The following TENM3 variants were observed in gnomAD, a reference collection of about 807,000 sequenced individuals.
TENM3 encodes teneurin-3.
TENM3 carries 63 observed loss-of-function variants against 255.1 expected under a neutral mutation model. The observed-to-expected ratio is 0.25, with a 90% CI of 0.20 to 0.30. The LOEUF (loss-of-function observed/expected upper bound fraction) is 0.30, where lower values mean the gene tolerates loss of function less well. Ranked by LOEUF, TENM3 falls within the 10% of genes least tolerant of loss-of-function variation. The probability of loss-of-function intolerance (pLI) is 1.00; values close to 1 mark genes in which losing one functional copy is unlikely to be tolerated. For missense variants in TENM3, 2,929 were observed against 3,461.1 expected (o/e 0.85, Z 3.86); for synonymous variants, 1,306 against 1,322.3 (o/e 0.99, Z 0.27).
intron 5 of TENM3, among the ~76,000 whole-genome samples, chr4:182,644,755 T>G (rs546029080): frequency 6.6e-6 from 1 of 152,290 alleles, no homozygotes; most frequent in Admixed American, 6.5e-5. Context: ...ATTTTTTAAT[T>G]ACATAAGAAA....
chr4:182,161,701 A>G (rs570706793), intron 1 of TENM3, among the ~76,000 whole-genome samples: 21 of 71,198 alleles, frequency 2.9e-4, no homozygotes, highest in African/African-American at 1.2e-3. Context: ...ATATATATGT[A>G]TATATATACA....
intron 3 of TENM3, among the ~76,000 whole-genome samples, chr4:182,444,186 G>A (rs951487717): frequency 3.9e-5 from 6 of 151,960 alleles, no homozygotes; most frequent in East Asian, 3.8e-4. Context: ...AATGATAATC[G>A]AACTTTACTG....
At chr4:182,201,343 A>G (rs979428505) in intron 1 of TENM3, among the ~76,000 whole-genome samples, 1 of 152,162 alleles carries the variant, frequency 6.6e-6, no homozygotes, top group Non-Finnish European at 1.5e-5. Context: ...CAATTCACTG[A>G]TAACAGTGGA....
the TENM3 span, among the ~76,000 whole-genome samples, chr4:182,104,263 G>A: frequency 6.6e-6 from 1 of 152,070 alleles, no homozygotes; most frequent in African/African-American, 2.4e-5. Context: ...GTGTGTCCCC[G>A]TGGAAACCAG....
At chr4:182,447,608 A>G (rs531151946) in intron 3 of TENM3, among the ~76,000 whole-genome samples, 8 of 152,218 alleles carry the variant, frequency 5.3e-5, no homozygotes, top group Non-Finnish European at 1.0e-4. Context: ...TGAAAAGAGA[A>G]CACTGATCCT....
intron 22 of TENM3, among the ~76,000 whole-genome samples, chr4:182,770,959 C>T (rs1764155368): frequency 1.3e-5 from 2 of 152,202 alleles, no homozygotes; most frequent in Non-Finnish European, 2.9e-5. Context: ...CAGGGCTAAA[C>T]TGTTAAGCTG....
chr4:181,536,943 T>A, the TENM3 span, among the ~76,000 whole-genome samples: 1 of 152,202 alleles, frequency 6.6e-6, no homozygotes, highest in African/African-American at 2.4e-5. Context: ...GATTGCCTCA[T>A]AAAACCTTAA....
At chr4:181,626,246 T>C in the TENM3 span, among the ~76,000 whole-genome samples, 7 of 151,914 alleles carry the variant, frequency 4.6e-5, no homozygotes, top group Non-Finnish European at 8.8e-5. Flanking sequence ...CAGCACAGCA[T>C]GATTAAAGAG....
intron 3 of TENM3, among the ~76,000 whole-genome samples, chr4:182,400,430 CAT>C (rs1468322227): frequency 6.6e-6 from 1 of 152,168 alleles, no homozygotes; most frequent in Non-Finnish European, 1.5e-5. Flanking sequence ...CATCTCATTA[CAT>C]GACATTTTTC....
chr4:181,811,346 ATC>A, the TENM3 span, among the ~76,000 whole-genome samples: 2 of 152,186 alleles, frequency 1.3e-5, no homozygotes, highest in African/African-American at 2.4e-5. Context: ...TCCATCATGT[ATC>A]TCTTCTCAAT....
intron 3 of TENM3, among the ~76,000 whole-genome samples, chr4:182,393,121 A>G (rs1768551742): frequency 1.3e-5 from 2 of 152,214 alleles, no homozygotes; most frequent in Admixed American, 1.3e-4. Context: ...AAAAATAACT[A>G]ACAGACAACG....
chr4:182,321,770 C>A (rs994627307), intron 1 of TENM3, among the ~76,000 whole-genome samples: 37 of 152,038 alleles, frequency 2.4e-4, no homozygotes, highest in African/African-American at 8.4e-4. Context: ...ATGGTGAAAC[C>A]CCATCTGTAT....
At chr4:181,457,781 C>T in the TENM3 span, among the ~76,000 whole-genome samples, 25 of 151,810 alleles carry the variant, frequency 1.6e-4, no homozygotes, top group Non-Finnish European at 3.2e-4. Context: ...TTCTTATTCT[C>T]ACATTTTAGT....
At chr4:182,465,990 A>G (rs1484762550) in intron 3 of TENM3, among the ~76,000 whole-genome samples, 1 of 152,194 alleles carries the variant, frequency 6.6e-6, no homozygotes, top group Non-Finnish European at 1.5e-5. Context: ...ATAAACCTGA[A>G]CTATTATTGA....
chr4:182,473,438 C>A (rs1377757737), intron 3 of TENM3, among the ~76,000 whole-genome samples: 1 of 152,162 alleles, frequency 6.6e-6, no homozygotes, highest in Non-Finnish European at 1.5e-5. Context: ...CTTTGGGAGG[C>A]CAAGGCGGGT....
At chr4:182,458,911 C>T (rs867968626) in intron 3 of TENM3, among the ~76,000 whole-genome samples, 2 of 152,174 alleles carry the variant, frequency 1.3e-5, no homozygotes, top group Middle Eastern at 3.4e-3. Context: ...GGTATTTGGT[C>T]GTAATAGAGA....
the TENM3 span, among the ~76,000 whole-genome samples, chr4:181,583,190 A>C: frequency 6.6e-6 from 1 of 152,016 alleles, no homozygotes; most frequent in African/African-American, 2.4e-5. Flanking sequence ...GGAAAGCAGT[A>C]ATAGCCACGA....
At chr4:181,882,107 C>T in the TENM3 span, among the ~76,000 whole-genome samples, 1 of 152,152 alleles carries the variant, frequency 6.6e-6, no homozygotes, top group South Asian at 2.1e-4. Flanking sequence ...TTTTCAAGGG[C>T]TTCTGAGTCC....
At chr4:181,770,303 C>T in the TENM3 span, among the ~76,000 whole-genome samples, 8 of 152,162 alleles carry the variant, frequency 5.3e-5, no homozygotes, top group African/African-American at 1.4e-4. Flanking sequence ...GCTTACATTA[C>T]GATTGAAAAA....
Sources: allele counts gnomAD v4.1 joint callset (sites outside exome capture counted in the v4.1 genomes callset), GRCh38; gene constraint gnomAD v4.1.1; transcripts MANE v1.5; gene names NCBI Gene and HGNC (gene_info 2026-07-23, HGNC 2026-07-21).